HYCC1: variants seen among roughly 807,000 people sequenced by gnomAD.
The protein encoded by HYCC1 is hyccin PI4KA lipid kinase complex subunit 1.
At chr7:22,907,209 A>G in the HYCC1 span, among the ~76,000 whole-genome samples, 2 of 151,128 alleles carry the variant, frequency 1.3e-5, no homozygotes, top group Non-Finnish European at 2.9e-5. Context: ...AACGGTATCT[A>G]GGAGTGGTGT....
the HYCC1 span, among the ~76,000 whole-genome samples, chr7:22,926,479 T>C: frequency 5.3e-5 from 8 of 151,966 alleles, no homozygotes; most frequent in Non-Finnish European, 7.4e-5. Context: ...AATAAAGGGA[T>C]GGAGGAAGAT....
chr7:22,904,486 T>C, the HYCC1 span, among the ~76,000 whole-genome samples: 31 of 150,996 alleles, frequency 2.1e-4, no homozygotes, highest in African/African-American at 7.5e-4. Context: ...TGGTAACCCA[T>C]AGCACTTATT....
At chr7:22,922,622 T>G in the HYCC1 span, among the ~76,000 whole-genome samples, 23 of 152,328 alleles carry the variant, frequency 1.5e-4, no homozygotes, top group Non-Finnish European at 1.3e-4. Context: ...AAGTCATAAG[T>G]TGAACCATTA....
At chr7:23,000,920 G>GT in the HYCC1 span, among the ~76,000 whole-genome samples, 122 of 148,340 alleles carry the variant, frequency 8.2e-4, no homozygotes, top group South Asian at 1.3e-3. Flanking sequence ...AGTTAAAGAA[G>GT]TTTTTTTTTT....
At chr7:22,942,870 T>C in the HYCC1 span, 1 of 152,200 alleles carries the variant, frequency 6.6e-6, no homozygotes, top group Non-Finnish European at 1.5e-5. Context: ...AAACTTTCAA[T>C]GTGTAATCCT....
chr7:22,965,439 T>A, the HYCC1 span, among the ~76,000 whole-genome samples: 2 of 140,184 alleles, frequency 1.4e-5, no homozygotes, highest in South Asian at 4.7e-4. Flanking sequence ...TAGATTTTAC[T>A]TTTTTTTTTT....
chr7:22,958,083 A>C, the HYCC1 span, among the ~76,000 whole-genome samples: 7 of 152,072 alleles, frequency 4.6e-5, no homozygotes, highest in Non-Finnish European at 1.0e-4. Flanking sequence ...TAAGAAGTAC[A>C]GCAAAGGTGT....
the HYCC1 span, among the ~76,000 whole-genome samples, chr7:23,011,633 A>T: frequency 6.6e-6 from 1 of 151,702 alleles, no homozygotes; most frequent in Non-Finnish European, 1.5e-5. Context: ...GCCCTCTACC[A>T]CCCTCACTAT....
chr7:22,945,137 C>A, the HYCC1 span: 10 of 178,756 alleles, frequency 5.6e-5, no homozygotes, highest in East Asian at 1.4e-3. Flanking sequence ...TGCCTCTGCC[C>A]CATTCTCTAT....
the HYCC1 span, among the ~76,000 whole-genome samples, chr7:22,907,212 A>T: frequency 6.6e-6 from 1 of 150,704 alleles, no homozygotes; most frequent in African/African-American, 2.4e-5. Flanking sequence ...GGTATCTAGG[A>T]GTGGTGTGAA....
chr7:22,916,228 C>T, the HYCC1 span, among the ~76,000 whole-genome samples: 1 of 152,184 alleles, frequency 6.6e-6, no homozygotes, highest in African/African-American at 2.4e-5. Flanking sequence ...ACAAGTCTTA[C>T]AGGTTAGTTC....
At chr7:23,001,615 AG>A in the HYCC1 span, among the ~76,000 whole-genome samples, 1 of 152,182 alleles carries the variant, frequency 6.6e-6, no homozygotes, top group Admixed American at 6.6e-5. Context: ...AGAACATGGT[AG>A]GGTACTGGAG....
At chr7:22,940,122 T>C in the HYCC1 span, 1 of 152,098 alleles carries the variant, frequency 6.6e-6, no homozygotes, top group Non-Finnish European at 1.5e-5. Context: ...CTAAGAGTAG[T>C]TAAGAACACA....
the HYCC1 span, among the ~76,000 whole-genome samples, chr7:22,978,698 C>T: frequency 1.3e-5 from 2 of 152,092 alleles, no homozygotes; most frequent in East Asian, 1.9e-4. Flanking sequence ...TCCTATCTCC[C>T]GCCTCCTGAG....
chr7:22,941,155 G>A, the HYCC1 span: 1 of 151,950 alleles, frequency 6.6e-6, no homozygotes, highest in East Asian at 1.9e-4. Context: ...GCTCTCAATG[G>A]CTCAACTTAC....
At chr7:22,969,189 T>A in the HYCC1 span, among the ~76,000 whole-genome samples, 1 of 151,800 alleles carries the variant, frequency 6.6e-6, no homozygotes, top group South Asian at 2.1e-4. Flanking sequence ...TTTGTTTGTT[T>A]TTTAAGATGG....
the HYCC1 span, among the ~76,000 whole-genome samples, chr7:22,908,741 T>C: frequency 1.3e-5 from 2 of 152,224 alleles, no homozygotes; most frequent in Non-Finnish European, 2.9e-5. Context: ...AAAGGTCATC[T>C]GTAAGCCCTT....
the HYCC1 span, among the ~76,000 whole-genome samples, chr7:22,923,075 T>C: frequency 3.3e-5 from 5 of 152,214 alleles, no homozygotes; most frequent in African/African-American, 9.6e-5. Flanking sequence ...CTAACACACA[T>C]TGGTAGAACA....
chr7:22,919,767 A>G, the HYCC1 span, among the ~76,000 whole-genome samples: 3 of 152,254 alleles, frequency 2.0e-5, no homozygotes, highest in East Asian at 5.8e-4. Flanking sequence ...AACAGAAAGA[A>G]AAACAGAATG....
Sources: allele counts gnomAD v4.1 joint callset (sites outside exome capture counted in the v4.1 genomes callset), GRCh38; gene constraint gnomAD v4.1.1; transcripts MANE v1.5; gene names NCBI Gene and HGNC (gene_info 2026-07-23, HGNC 2026-07-21).